Variants in MMS19 observed in about 807,000 individuals in gnomAD.
The protein encoded by MMS19 is MMS19 nucleotide excision repair protein homolog.
Under a neutral mutation model 129.8 loss-of-function variants are expected in MMS19, and 77 were observed. The ratio of observed to expected loss-of-function variants is 0.59; its 90% CI spans 0.49 to 0.72. MMS19 has a LOEUF of 0.72. Ranked by LOEUF, MMS19 falls within the 30% of genes least tolerant of loss-of-function variation. The probability of loss-of-function intolerance (pLI) is 0.00; values close to 1 mark genes in which losing one functional copy is unlikely to be tolerated. For synonymous variants in MMS19, 491 were observed against 502.8 expected (o/e 0.98, Z 0.31); for missense variants, 1,168 against 1,266.3 (o/e 0.92, Z 1.18).
chr10:97,494,100 G>A lies in MMS19; in HGVS notation c.112+4173C>T, dbSNP rs184068313. 2.1e-3 allele frequency among the ~76,000 whole-genome samples: 327 copies of A among 152,330 alleles called. 1 individual carries two copies. Among genetic ancestry groups the A allele is most frequent in the African/African-American group, 7.4e-3 (308 of 41,580 alleles). On this transcript the variant is annotated intron_variant, in intron 1 of 30. Coordinates refer to ENST00000438925, the MANE Select transcript of MMS19 (RefSeq NM_022362.5). The stretch of plus-strand genomic sequence containing the variant: ...TATGCACTTGGACTCCTGGGATGAA[G>A]AAAGCTAACAGAGAGTTAATTTTCC...
chr10:97,482,517 G>A (rs1312436288), intron 2 of MMS19, among the ~76,000 whole-genome samples: 1 of 152,062 alleles, frequency 6.6e-6, no homozygotes, highest in Non-Finnish European at 1.5e-5. Context: ...GTGATTGCTG[G>A]GGGTTGGGAA....
In MMS19 at chr10:97,478,301, C is replaced by T; in HGVS notation, c.348+3G>A. The T allele has an allele frequency of 6.3e-7, 1 of 1,591,016 alleles. No homozygotes were observed. The highest frequency in any genetic ancestry group is 8.6e-7 in the Non-Finnish European group (1 of 1,168,322). On this transcript the variant is annotated splice_donor_region_variant and intron_variant, in intron 4 of 30. Transcript: ENST00000438925. Reference sequence around the variant, plus strand: ...TTATGTAATGAAATGAAGGAAAACTCACAAGTGCCTTCAAACCCTGCAGGA... The same window carrying T: ...TTATGTAATGAAATGAAGGAAAACTTACAAGTGCCTTCAAACCCTGCAGGA...
intron 1 of MMS19, among the ~76,000 whole-genome samples, chr10:97,496,340 AC>A (rs1482797825): frequency 6.6e-6 from 1 of 151,806 alleles, no homozygotes; most frequent in African/African-American, 2.4e-5. Context: ...ACATGGTGAA[AC>A]CTCGTCACTA....
At chr10:97,498,498 G>A, upstream of MMS19, 1 of 1,459,434 alleles carries the variant, frequency 6.9e-7, no homozygotes, top group Non-Finnish European at 9.1e-7. Flanking sequence ...GGGCGCCGGG[G>A]TCACGTGCCT....
Position 97,459,450 on chromosome 10 carries a change from G to A in MMS19, c.2816C>T (p.Pro939Leu), listed in dbSNP as rs778408450. ...GACTTGGGGTGCTTCCAGTAGAAGA[G>A]GCTGAAGGCAGCTGAGGGTGGAGAG... ...VQLSTLSCLQ[P>L]LLLEAPQVMS... The change falls in exon 28 of 31, where the codon CCT becomes CTT. Residue 939 changes from proline (P) to leucine (L), a missense_variant. Pro to Leu is a moderately conservative substitution (Grantham distance 98). Transcript: ENST00000438925. 2.5e-6 allele frequency: 4 copies of A among 1,611,888 alleles called. No individual in the cohort carries two copies. The highest frequency in any genetic ancestry group is 1.7e-6 in the Non-Finnish European group (2 of 1,179,090).
rs1442745434 is a variant in MMS19, at chr10:97,459,699, T to A, written c.2699A>T (p.Asn900Ile). The change falls in exon 27 of 31, where the codon AAC becomes ATC. Residue 900 changes from asparagine to isoleucine, a missense_variant. Around this residue, in one of 3 missense-constraint regions of MMS19, gnomAD observed 831 missense variants for 910.8 expected, o/e 0.91. Transcript: ENST00000438925. ...NYLKGLSHVL[N>I]RLPKPVLLPE... ...CAAGAGTACAGGCTTGGGCAGCCTGTTAAGTACATGAGAAAGACCCTTCAA... is the reference window on the plus strand; with the variant it reads ...CAAGAGTACAGGCTTGGGCAGCCTGATAAGTACATGAGAAAGACCCTTCAA... The A allele has an allele frequency of 6.2e-7, 1 of 1,612,696 alleles. No homozygotes were observed.
At chr10:97,497,709 G>T (rs762020457) in intron 1 of MMS19, among the ~76,000 whole-genome samples, 23 of 152,150 alleles carry the variant, frequency 1.5e-4, no homozygotes, top group African/African-American at 2.4e-5. Context: ...AACTAATCAA[G>T]AACTTTAGCA....
In MMS19 at chr10:97,458,444, T is replaced by C. The variant is rs1179280483; in HGVS notation, c.*248A>G. On this transcript the variant is annotated 3_prime_UTR_variant, in exon 31 of 31. Transcript: ENST00000438925. Reference sequence around the variant, plus strand: ...TATCGCCCCTTTTCTGACATATAAATGCAAGAGACCCAGGACCCTAGATCT... The same window carrying C: ...TATCGCCCCTTTTCTGACATATAAACGCAAGAGACCCAGGACCCTAGATCT... 2.4e-5 allele frequency: 12 copies of C among 506,652 alleles called. No individual in the cohort carries two copies. Among genetic ancestry groups the C allele is most frequent in the Admixed American group, 1.4e-4 (4 of 28,444 alleles). 31.4% of individuals were successfully genotyped at this position (506,652 alleles called of 1,614,324 possible). A position where few individuals can be genotyped will look rare whatever the true frequency, so the allele number is the denominator to read the frequency against.
At chr10:97,480,865 G>T in intron 3 of MMS19, 77 bp downstream of exon 3, 1 of 975,450 alleles carries the variant, frequency 1.0e-6, no homozygotes, top group Non-Finnish European at 1.6e-6. Flanking sequence ...CTCCCTGCCT[G>T]TAAAGTTGGC....
rs766411386 is a variant in MMS19, at chr10:97,458,869, G to A, written c.2996C>T (p.Ala999Val). The A allele has an allele frequency of 2.5e-6, 4 of 1,613,888 alleles. No homozygotes were observed. Among genetic ancestry groups the A allele is most frequent in the Middle Eastern group, 1.6e-4 (1 of 6,084 alleles). The change falls in exon 30 of 31, where the codon GCC (alanine) becomes GTC (valine). Residue 999 changes from alanine (A) to valine (V), a missense_variant. Physicochemically the swap from Ala to Val is moderately conservative, Grantham distance 64 (BLOSUM62 0). Coordinates refer to ENST00000438925, the MANE Select transcript of MMS19 (RefSeq NM_022362.5). The part of the protein sequence containing the change: ...LLPYKPQVIR[A>V]LAKPLDDKKR... ...CTTGTCATCCAGGGGTTTGGCTAAG[G>A]CCCGAATCACCTGTGGTTTGTACGG...
intron 1 of MMS19, among the ~76,000 whole-genome samples, chr10:97,490,514 T>C (rs375027190): frequency 1.6e-4 from 25 of 152,356 alleles, no homozygotes; most frequent in African/African-American, 5.3e-4. Context: ...TGAACACTTA[T>C]AGCTAAATAA....
intron 26 of MMS19, 44 bp downstream of exon 26, chr10:97,460,002 A>G (rs1315762483): frequency 6.3e-7 from 1 of 1,587,072 alleles, no homozygotes; most frequent in Non-Finnish European, 8.6e-7. Context: ...GGCCAAGCAA[A>G]GGAGAGATGT....
intron 14 of MMS19, 83 bp from the exon 15 acceptor site, chr10:97,466,984 G>A (rs1401000164): frequency 5.2e-6 from 8 of 1,550,810 alleles, no homozygotes; most frequent in Admixed American, 3.7e-5. Context: ...AGCCAACCTG[G>A]GGTAGATTTT....
chr10:97,461,720 A>C, intron 22 of MMS19, 98 bp from the exon 23 acceptor site: 1 of 1,546,148 alleles, frequency 6.5e-7, no homozygotes. Flanking sequence ...ATGAGAACTA[A>C]CTTCTCTGGT....
intron 1 of MMS19, among the ~76,000 whole-genome samples, chr10:97,486,684 T>C (rs2037903196): frequency 6.6e-6 from 1 of 151,822 alleles, no homozygotes; most frequent in South Asian, 2.1e-4. Flanking sequence ...AAAGCGTTTT[T>C]TAAAACAAGC....
chr10:97,493,841 C>T (rs760153803), intron 1 of MMS19, among the ~76,000 whole-genome samples: 4 of 152,132 alleles, frequency 2.6e-5, no homozygotes, highest in Non-Finnish European at 4.4e-5. Flanking sequence ...CATGGAGAAA[C>T]CCCATCTCTA....
chr10:97,498,146 C>T (rs777295034), intron 1 of MMS19, 127 bp downstream of exon 1: 29 of 846,840 alleles, frequency 3.4e-5, no homozygotes, highest in Non-Finnish European at 5.0e-5. Context: ...TCGCGGTGCT[C>T]ACTAACCAGC....
chr10:97,466,780 C>T lies in MMS19; in HGVS notation c.1419G>A (p.Gln473=). 1 of 1,613,988 alleles carries T rather than the reference C, an allele frequency of 6.2e-7. No individual in the cohort carries two copies. Among genetic ancestry groups the T allele is most frequent in the Non-Finnish European group, 8.5e-7 (1 of 1,179,890 alleles). The stretch of plus-strand genomic sequence containing the variant: ...TCTCTTTCCCTTAAGATGTACCTGG[C>T]TGGGCACCCAAGACTGTCAGTGTAC... ...GIRTLTVLGA[Q]PDLLSYEDLE... Residue 473 remains glutamine, a synonymous_variant, in exon 15 of 31, where the codon CAG becomes CAA. Transcript: ENST00000438925.
chr10:97,476,802 T>A, intron 7 of MMS19, 33 bp downstream of exon 7: 1 of 1,613,818 alleles, frequency 6.2e-7, no homozygotes, highest in Non-Finnish European at 8.5e-7. Context: ...CTGATAAAGC[T>A]CCAATGAGCT....
Sources: allele counts gnomAD v4.1 joint callset (sites outside exome capture counted in the v4.1 genomes callset), GRCh38; gene constraint gnomAD v4.1.1; regional missense constraint gnomAD v4.1.1; transcripts MANE v1.5; gene names NCBI Gene and HGNC (gene_info 2026-07-23, HGNC 2026-07-21).